GRM7: variants seen among roughly 807,000 people sequenced by gnomAD.
GRM7 encodes metabotropic glutamate receptor 7.
In GRM7, 35 loss-of-function variants were observed where a neutral mutation model predicts 84.5. The ratio of observed to expected loss-of-function variants is 0.41; its 90% confidence interval spans 0.32 to 0.55. The LOEUF is 0.55. Among genes scored for constraint, GRM7 ranks in the 20% least tolerant of loss-of-function variants. GRM7 has a pLI of 0.19. For synonymous variants in GRM7, 487 were observed against 455.1 expected (o/e 1.07, Z -0.89); for missense variants, 1,003 against 1,194.6 (o/e 0.84, Z 2.36).
chr3:7,623,837 A>G (rs540922527), intron 8 of GRM7, among the ~76,000 whole-genome samples: 26 of 152,328 alleles, frequency 1.7e-4, no homozygotes, highest in African/African-American at 5.8e-4. Context: ...GGGTCCTACA[A>G]GATGGACAGG....
intron 1 of GRM7, among the ~76,000 whole-genome samples, chr3:6,991,925 C>T (rs960584041): frequency 6.6e-6 from 1 of 151,958 alleles, no homozygotes; most frequent in Non-Finnish European, 1.5e-5. Context: ...CTAACATCTC[C>T]CTATTCCCTA....
chr3:7,674,800 G>A (rs1437039887), intron 8 of GRM7, among the ~76,000 whole-genome samples: 4 of 152,174 alleles, frequency 2.6e-5, no homozygotes, highest in African/African-American at 4.8e-5. Context: ...CCAGGCACTT[G>A]TATCTCAATA....
chr3:7,672,139 T>C (rs1454688410), intron 8 of GRM7, among the ~76,000 whole-genome samples: 2 of 152,140 alleles, frequency 1.3e-5, no homozygotes, highest in South Asian at 4.1e-4. Flanking sequence ...TCCATCATCA[T>C]GTATTATTTC....
chr3:7,098,533 T>TCCG (rs1698934803), intron 1 of GRM7, among the ~76,000 whole-genome samples: 1 of 152,018 alleles, frequency 6.6e-6, no homozygotes. Context: ...TAACTTCATA[T>TCCG]ATCACTTGTC....
chr3:7,449,051 A>T (rs1245098229), intron 5 of GRM7, among the ~76,000 whole-genome samples: 1 of 152,118 alleles, frequency 6.6e-6, no homozygotes, highest in Non-Finnish European at 1.5e-5. Flanking sequence ...ATATAGTAAA[A>T]TGGTAATGTT....
intron 8 of GRM7, among the ~76,000 whole-genome samples, chr3:7,651,904 C>G (rs188602168): frequency 6.6e-6 from 1 of 152,322 alleles, no homozygotes; most frequent in East Asian, 1.9e-4. Context: ...TGCACACATA[C>G]AGCTCAAGCT....
At chr3:7,601,872 A>C (rs1445465720) in intron 8 of GRM7, among the ~76,000 whole-genome samples, 2 of 152,162 alleles carry the variant, frequency 1.3e-5, no homozygotes, top group East Asian at 1.9e-4. Flanking sequence ...TCATTCCTTG[A>C]CCAATAGTAG....
intron 7 of GRM7, among the ~76,000 whole-genome samples, chr3:7,561,118 A>G (rs1694007000): frequency 1.3e-5 from 2 of 152,006 alleles, no homozygotes; most frequent in South Asian, 4.1e-4. Context: ...ACAGACCTTC[A>G]TCCTCATCAC....
At chr3:7,012,644 C>G (rs1299457938) in intron 1 of GRM7, among the ~76,000 whole-genome samples, 1 of 152,092 alleles carries the variant, frequency 6.6e-6, no homozygotes, top group East Asian at 1.9e-4. Context: ...TAAGAGGTGC[C>G]TTCCCATAGA....
At chr3:7,435,679 G>GTTTTTTT (rs71066011) in intron 5 of GRM7, among the ~76,000 whole-genome samples, 3 of 88,550 alleles carry the variant, frequency 3.4e-5, no homozygotes, top group African/African-American at 9.7e-5. Flanking sequence ...CATCCGGCTA[G>GTTTTTTT]TTTTTTTTTT....
chr3:7,343,281 TG>T (rs1692730209), intron 4 of GRM7, among the ~76,000 whole-genome samples: 1 of 152,158 alleles, frequency 6.6e-6, no homozygotes. Context: ...TTGCCCAGAC[TG>T]GAGTGCGGTA....
intron 2 of GRM7, among the ~76,000 whole-genome samples, chr3:7,191,854 C>A (rs182033086): frequency 3.9e-4 from 59 of 151,990 alleles, no homozygotes; most frequent in African/African-American, 1.4e-3. Flanking sequence ...ACTATACATG[C>A]ACAAATAAAC....
chr3:7,227,887 C>A (rs564780590), intron 2 of GRM7, among the ~76,000 whole-genome samples: 124 of 152,162 alleles, frequency 8.1e-4, no homozygotes, highest in Middle Eastern at 3.4e-3. Context: ...CAGGAGTAGT[C>A]CCTAGGTTAG....
rs188205240 is a variant in GRM7, at chr3:7,291,586, A to C, written c.737-7098A>C. On this transcript the variant is annotated intron_variant, in intron 2 of 9. Transcript: ENST00000357716. ...TCCGTCTGTCTATTTTTACCAAGGG[A>C]GTAAAACTTTTCCCAGAACTGACTT... Among the ~76,000 whole-genome samples, 114 of 149,016 alleles carry C rather than the reference A, an allele frequency of 7.7e-4. 1 individual carries two copies. Among genetic ancestry groups the C allele is most frequent in the Middle Eastern group, 3.5e-3 (1 of 286 alleles).
chr3:7,653,544 G>A (rs1699052164), intron 8 of GRM7, among the ~76,000 whole-genome samples: 1 of 152,086 alleles, frequency 6.6e-6, no homozygotes, highest in Non-Finnish European at 1.5e-5. Context: ...TCTAACCCCT[G>A]CCCCTCAAGT....
At chr3:7,192,562 T>C (rs1695743705) in intron 2 of GRM7, among the ~76,000 whole-genome samples, 1 of 152,048 alleles carries the variant, frequency 6.6e-6, no homozygotes, top group Non-Finnish European at 1.5e-5. Flanking sequence ...TTTGTTCTTT[T>C]CTTCCAGCTT....
At chr3:7,599,626 C>T (rs1413734071) in intron 8 of GRM7, among the ~76,000 whole-genome samples, 1 of 152,044 alleles carries the variant, frequency 6.6e-6, no homozygotes, top group Non-Finnish European at 1.5e-5. Flanking sequence ...TAAAACATTG[C>T]AGAAAGAGGC....
At chr3:7,731,725 G>A (rs1702338965) in intron 9 of GRM7, among the ~76,000 whole-genome samples, 1 of 152,146 alleles carries the variant, frequency 6.6e-6, no homozygotes, top group Admixed American at 6.5e-5. Context: ...AATTACACCT[G>A]CAAATAACAC....
intron 9 of GRM7, among the ~76,000 whole-genome samples, chr3:7,685,093 A>C (rs1700524693): frequency 6.6e-6 from 1 of 152,224 alleles, no homozygotes; most frequent in East Asian, 1.9e-4. Flanking sequence ...ATGCCAGATA[A>C]ACAAGATGCC....
Sources: allele counts gnomAD v4.1 joint callset (sites outside exome capture counted in the v4.1 genomes callset), GRCh38; gene constraint gnomAD v4.1.1; transcripts MANE v1.5; gene names NCBI Gene and HGNC (gene_info 2026-07-23, HGNC 2026-07-21).